CTSL: variants seen among roughly 807,000 people sequenced by gnomAD.
CTSL encodes the protein procathepsin L.
Under a neutral mutation model 34.7 loss-of-function variants are expected in CTSL, and 23 were observed. The ratio of observed to expected loss-of-function variants is 0.66; its 90% CI spans 0.48 to 0.94. CTSL has a LOEUF of 0.94. Among genes scored for constraint, CTSL ranks in the 40% least tolerant of loss-of-function variants. CTSL has a pLI of 0.00. For missense variants in CTSL, 361 were observed against 406.3 expected (o/e 0.89, Z 0.96); for synonymous variants, 129 against 136.7 (o/e 0.94, Z 0.39).
chr9:87,728,418 A>C (rs199854486), intron 4 of CTSL, 22 bp downstream of exon 4: 2 of 1,604,564 alleles, frequency 1.2e-6, no homozygotes, highest in Admixed American at 1.7e-5. Context: ...TCAGGTTCAG[A>C]CCTCCCATCT....
intron 6 of CTSL, 82 bp downstream of exon 6, chr9:87,729,817 TA>T: frequency 7.2e-7 from 1 of 1,395,240 alleles, no homozygotes; most frequent in Non-Finnish European, 9.8e-7. Flanking sequence ...GGTTTGCAAG[TA>T]AAGTTCAGTG....
rs937048972 is a variant in CTSL, at chr9:87,729,092, C to T, written c.621+283C>T. On this transcript the variant is annotated intron_variant, in intron 5 of 7. Coordinates refer to ENST00000343150, the MANE Select transcript of CTSL (RefSeq NM_001912.5). The stretch of plus-strand genomic sequence containing the variant: ...TGGTCCCAGCTATGCTGAGGTAGGG[C>T]GATTGCTTGAGTGTGGGAGGTGGTT... The T allele has an allele frequency of 1.2e-5, 9 of 729,344 alleles. No homozygotes were observed. In the African/African-American group the frequency reaches 1.4e-4, roughly 11 times the overall value. 45.2% of individuals were successfully genotyped at this position (729,344 alleles called of 1,614,324 possible). A position where few individuals can be genotyped will look rare whatever the true frequency, so the allele number is the denominator to read the frequency against.
Position 87,730,361 on chromosome 9 carries a change from C to A in CTSL, c.785-20C>A. On this transcript the variant is annotated intron_variant, in intron 6 of 7. Transcript: ENST00000343150. Reference sequence around the variant, plus strand: ...TGTCCTCTGGAGCTTCTCACCCCAGCCCTCATTTTACCATCCCAGGCATTT... The same window carrying A: ...TGTCCTCTGGAGCTTCTCACCCCAGACCTCATTTTACCATCCCAGGCATTT... 6.4e-7 allele frequency: 1 copy of A among 1,564,726 alleles called. No individual in the cohort carries two copies. The highest frequency in any genetic ancestry group is 8.8e-7 in the Non-Finnish European group (1 of 1,142,730).
intron 1 of CTSL, among the ~76,000 whole-genome samples, chr9:87,726,872 G>A (rs1163236205): frequency 6.6e-6 from 1 of 151,942 alleles, no homozygotes; most frequent in Non-Finnish European, 1.5e-5. Flanking sequence ...GTGAAACCCC[G>A]TCTCTACTGA....
intron 5 of CTSL, 46 bp from the exon 6 acceptor site, chr9:87,729,527 G>A: frequency 6.4e-7 from 1 of 1,564,824 alleles, no homozygotes; most frequent in Non-Finnish European, 8.8e-7. Context: ...TCTCCAGGAG[G>A]AGGACAGCAG....
chr9:87,727,561 C>A, intron 1 of CTSL, 33 bp from the exon 2 acceptor site: 1 of 1,610,628 alleles, frequency 6.2e-7, no homozygotes, highest in South Asian at 1.1e-5. Context: ...TAGGATTGGT[C>A]TAATCAGATC....
rs752386088 is a variant in CTSL, at chr9:87,728,585, G to C, written c.397G>C (p.Gly133Arg). The change falls in exon 5 of 8, where the codon GGT becomes CGT. Residue 133 changes from glycine (G) to arginine (R), a missense_variant and splice_region_variant. Coordinates refer to ENST00000343150, the MANE Select transcript of CTSL (RefSeq NM_001912.5). Reference sequence around the variant, plus strand: ...CAGCTTTTTTTAATTCCCTTTTCAGGGTCAGTGTGGTTCTTGTTGGGCTTT... The same window carrying C: ...CAGCTTTTTTTAATTCCCTTTTCAGCGTCAGTGTGGTTCTTGTTGGGCTTT... ...KGYVTPVKNQ[G>R]QCGSCWAFSA... The C allele has an allele frequency of 1.6e-5, 26 of 1,612,910 alleles. 1 individual carries two copies. The highest frequency in any genetic ancestry group is 3.3e-4 in the Middle Eastern group (2 of 6,014).
chr9:87,730,291 G>A, intron 6 of CTSL, 90 bp from the exon 7 acceptor site: 1 of 733,370 alleles, frequency 1.4e-6, no homozygotes. Flanking sequence ...ACTGAATTCA[G>A]AGATGCCTCA....
rs1055740614 is a variant in CTSL, at chr9:87,731,125, A to C, written c.*18A>C. 1.2e-6 allele frequency: 2 copies of C among 1,603,490 alleles called. No individual in the cohort carries two copies. The highest frequency in any genetic ancestry group is 2.7e-5 in the African/African-American group (2 of 74,686). On this transcript the variant is annotated 3_prime_UTR_variant, in exon 8 of 8. Coordinates refer to ENST00000343150, the MANE Select transcript of CTSL (RefSeq NM_001912.5). ...CTGTGTGAGCTGGTGGACGGTGATG[A>C]GGAAGGACTTGACTGGGGATGGCGC...
intron 5 of CTSL, chr9:87,729,072 C>G (rs1219783048): frequency 2.2e-6 from 2 of 907,210 alleles, no homozygotes; most frequent in East Asian, 5.3e-5. Context: ...GTCTGTGGTC[C>G]CAGCTATGCT....
At chr9:87,730,621 G>T in intron 7 of CTSL, 123 bp downstream of exon 7, 1 of 641,680 alleles carries the variant, frequency 1.6e-6, no homozygotes, top group Non-Finnish European at 2.7e-6. Context: ...AGTCTAAGTT[G>T]AACATATAAT....
At chr9:87,728,209 A>C in intron 3 of CTSL, 41 bp from the exon 4 acceptor site, 1 of 1,614,134 alleles carries the variant, frequency 6.2e-7, no homozygotes, top group Non-Finnish European at 8.5e-7. Context: ...TTACTAAGGT[A>C]ATCTCTTGCT....
In CTSL at chr9:87,731,098, C is replaced by T. The variant is rs140683449; in HGVS notation, c.993C>T (p.Pro331=). 4.1e-4 allele frequency: 668 copies of T among 1,613,650 alleles called. 4 individuals are homozygous for T. In the Middle Eastern group the frequency reaches 0.011, roughly 27 times the overall value. ...HCGIASAASY[P]TV Reference sequence around the variant, plus strand: ...GAATTGCCTCAGCAGCCAGCTACCCCACTGTGTGAGCTGGTGGACGGTGAT... The same window carrying T: ...GAATTGCCTCAGCAGCCAGCTACCCTACTGTGTGAGCTGGTGGACGGTGAT... Residue 331 remains proline, a synonymous_variant, in exon 8 of 8, where the codon CCC becomes CCT. Transcript: ENST00000343150.
At chr9:87,727,180 G>A (rs1454576506) in intron 1 of CTSL, among the ~76,000 whole-genome samples, 4 of 152,156 alleles carry the variant, frequency 2.6e-5, no homozygotes, top group African/African-American at 9.7e-5. Context: ...TCCCTACTTG[G>A]GAATCCCACC....
chr9:87,728,808 C>T lies in CTSL; in HGVS notation c.620C>T (p.Thr207Ile), dbSNP rs201800321. 9.9e-5 allele frequency: 159 copies of T among 1,614,068 alleles called. No individual in the cohort carries two copies. Among genetic ancestry groups the T allele is most frequent in the Middle Eastern group, 3.3e-4 (2 of 6,084 alleles). Residue 207 changes from threonine to isoleucine, a missense_variant and splice_region_variant, in exon 5 of 8, where the codon ACA (threonine) becomes ATA (isoleucine). Physicochemically the swap from Thr to Ile is moderately conservative, Grantham distance 89 (BLOSUM62 -1). Coordinates refer to ENST00000343150, the MANE Select transcript of CTSL (RefSeq NM_001912.5). ...DSEESYPYEA[T>I]EESCKYNPKY... ...GAGGAATCCTATCCATATGAGGCAACAGTAAGTGGAGCTCCTTGTCATCAT... is the reference window on the plus strand; with the variant it reads ...GAGGAATCCTATCCATATGAGGCAATAGTAAGTGGAGCTCCTTGTCATCAT...
intron 5 of CTSL, 71 bp downstream of exon 5, chr9:87,728,880 C>T (rs752056590): frequency 1.9e-6 from 3 of 1,604,350 alleles, no homozygotes; most frequent in Admixed American, 1.7e-5. Context: ...ATAACAGATA[C>T]CTTTTTCGGA....
At chr9:87,727,495 T>C in intron 1 of CTSL, 99 bp from the exon 2 acceptor site, 1 of 1,219,252 alleles carries the variant, frequency 8.2e-7, no homozygotes, top group South Asian at 1.4e-5. Context: ...ATAATTTAAA[T>C]ATTTTTATTC....
chr9:87,728,729 G>A lies in CTSL; in HGVS notation c.541G>A (p.Gly181Ser). Reference sequence around the variant, plus strand: ...TCAAGGCAATGAAGGCTGCAATGGTGGCCTAATGGATTATGCTTTCCAGTA... The same window carrying A: ...TCAAGGCAATGAAGGCTGCAATGGTAGCCTAATGGATTATGCTTTCCAGTA... ...GPQGNEGCNGGLMDYAFQYVQ... is the reference protein window; with the variant it reads ...GPQGNEGCNGSLMDYAFQYVQ... Residue 181 changes from glycine to serine, a missense_variant, in exon 5 of 8, where the codon GGC becomes AGC. Coordinates refer to ENST00000343150, the MANE Select transcript of CTSL (RefSeq NM_001912.5). The A allele has an allele frequency of 6.2e-7, 1 of 1,614,138 alleles. No individual in the cohort carries two copies. Among genetic ancestry groups the A allele is most frequent in the Non-Finnish European group, 8.5e-7 (1 of 1,180,030 alleles).
Position 87,731,056 on chromosome 9 carries a change from C to T in CTSL, c.951C>T (p.Asp317=), listed in dbSNP as rs763035229. The change falls in exon 8 of 8, where the codon GAC becomes GAT. Residue 317 remains aspartate (D), a synonymous_variant. Coordinates refer to ENST00000343150, the MANE Select transcript of CTSL (RefSeq NM_001912.5). ...GTGGCTACGTAAAGATGGCCAAAGA[C>T]CGGAGAAACCATTGTGGAATTGCCT... ...GMGGYVKMAK[D]RRNHCGIASA... The T allele has an allele frequency of 1.1e-5, 17 of 1,613,910 alleles. No individual in the cohort carries two copies. The highest frequency in any genetic ancestry group is 6.7e-5 in the Admixed American group (4 of 59,996).
Sources: gnomAD v4.1 joint callset for allele counts (sites outside exome capture counted in the v4.1 genomes callset) on GRCh38, gnomAD v4.1.1 for gene constraint, MANE v1.5 for transcripts, NCBI Gene and HGNC (gene_info 2026-07-23, HGNC 2026-07-21) for gene names.